Variants in KCNMA1 observed in about 807,000 individuals in gnomAD.
The protein encoded by KCNMA1 is potassium calcium-activated channel subfamily M alpha 1.
In KCNMA1, 29 loss-of-function variants were observed where a neutral mutation model predicts 140.0. The ratio of observed to expected loss-of-function variants is 0.21; its 90% CI spans 0.15 to 0.28. The LOEUF (loss-of-function observed/expected upper bound fraction) is 0.28, where lower values mean the gene tolerates loss of function less well. Among genes scored for constraint, KCNMA1 ranks in the 10% least tolerant of loss-of-function variants. The pLI is 1.00. For missense variants in KCNMA1, 880 were observed against 1,602.2 expected (o/e 0.55, Z 7.70); for synonymous variants, 612 against 611.9 (o/e 1.00, Z 0.00).
In KCNMA1 at chr10:77,586,233, T is replaced by C. The variant is rs1161143420; in HGVS notation, c.378+51032A>G. On this transcript the variant is annotated intron_variant, in intron 1 of 27. Transcript: ENST00000286628. The stretch of plus-strand genomic sequence containing the variant: ...TTTTGTCTTCAGTTGTAACACAGGA[T>C]CACATGGTCACTCTACTGAGCTATT... The C allele has an allele frequency of 2.0e-5, 3 of 152,182 alleles. No individual in the cohort carries two copies. In the East Asian group the frequency reaches 5.8e-4, roughly 29 times the overall value. The allele number at this position is 152,182 out of a possible 1,614,324, so 9.4% of individuals were successfully genotyped here. A position where few individuals can be genotyped will look rare whatever the true frequency, so the allele number is the denominator to read the frequency against.
intron 15 of KCNMA1, among the ~76,000 whole-genome samples, chr10:77,034,374 AAATTT>A (rs1292663977): frequency 1.3e-5 from 2 of 152,168 alleles, no homozygotes; most frequent in Non-Finnish European, 2.9e-5. Flanking sequence ...CTCCATGTTC[AAATTT>A]GGATGTCTTT....
chr10:77,571,386 G>A (rs748663871), intron 1 of KCNMA1, among the ~76,000 whole-genome samples: 5 of 152,194 alleles, frequency 3.3e-5, no homozygotes, highest in Non-Finnish European at 7.4e-5. Context: ...GAACTCTGGT[G>A]TGACCAACCC....
chr10:77,355,102 A>G lies in KCNMA1; in HGVS notation c.540+48760T>C, dbSNP rs780423125. ...CTCGTGGTAGCGAATAAATCTCATG[A>G]GATCTGATGGTTTTATCAGGGGTTT... is the stretch of plus-strand genomic sequence containing the variant. On this transcript the variant is annotated intron_variant, in intron 2 of 27. Transcript: ENST00000286628. 7.7e-4 allele frequency: 118 copies of G among 153,598 alleles called. 1 individual carries two copies. Among genetic ancestry groups the G allele is most frequent in the Non-Finnish European group, 4.9e-4 (34 of 69,052 alleles). 9.5% of individuals were successfully genotyped at this position (153,598 alleles called of 1,614,324 possible).
chr10:76,969,885 G>T, intron 20 of KCNMA1, 89 bp downstream of exon 20: 2 of 1,018,676 alleles, frequency 2.0e-6, no homozygotes, highest in Non-Finnish European at 3.1e-6. Flanking sequence ...GGGGAGGGGA[G>T]ACTCTGGGCC....
At chr10:77,377,387 G>T (rs2154424196) in intron 2 of KCNMA1, among the ~76,000 whole-genome samples, 1 of 152,306 alleles carries the variant, frequency 6.6e-6, no homozygotes, top group South Asian at 2.1e-4. Flanking sequence ...GGGCCAAAGA[G>T]AAAGAGCTGC....
chr10:77,006,996 T>TTGC (rs1458809004), intron 18 of KCNMA1, among the ~76,000 whole-genome samples: 3 of 152,208 alleles, frequency 2.0e-5, no homozygotes, highest in African/African-American at 7.2e-5. Context: ...CTTGCCTCTT[T>TTGC]TGCTGCAAAG....
At chr10:77,161,173 C>T (rs912956601) in intron 5 of KCNMA1, among the ~76,000 whole-genome samples, 2 of 152,188 alleles carry the variant, frequency 1.3e-5, no homozygotes, top group African/African-American at 4.8e-5. Flanking sequence ...GTTTTACTGA[C>T]ACTTGTACTC....
intron 23 of KCNMA1, among the ~76,000 whole-genome samples, chr10:76,930,570 AT>A (rs961967462): frequency 5.3e-5 from 8 of 152,182 alleles, no homozygotes; most frequent in African/African-American, 1.9e-4. Flanking sequence ...TGAAGTTTCT[AT>A]AAAAAATTAA....
intron 2 of KCNMA1, among the ~76,000 whole-genome samples, chr10:77,292,932 G>C (rs1228132550): frequency 6.6e-5 from 10 of 152,192 alleles, no homozygotes; most frequent in African/African-American, 2.4e-4. Context: ...TTAGCATCGA[G>C]GTGGCAGGAT....
intron 3 of KCNMA1, among the ~76,000 whole-genome samples, chr10:77,227,061 C>T (rs2051714690): frequency 6.6e-6 from 1 of 152,102 alleles, no homozygotes; most frequent in Admixed American, 6.6e-5. Context: ...CTTTTCTTTG[C>T]CAGACCATAG....
intron 3 of KCNMA1, among the ~76,000 whole-genome samples, chr10:77,199,788 TG>T (rs1444737895): frequency 6.6e-6 from 1 of 152,112 alleles, no homozygotes; most frequent in Non-Finnish European, 1.5e-5. Flanking sequence ...CAGTGCATTC[TG>T]GGAGTGGAAG....
intron 2 of KCNMA1, among the ~76,000 whole-genome samples, chr10:77,302,333 C>T (rs955277466): frequency 1.3e-5 from 2 of 152,142 alleles, no homozygotes; most frequent in African/African-American, 4.8e-5. Context: ...CCCCATACTG[C>T]TCCTTAAGCA....
At chr10:77,024,911 A>G (rs913393797) in intron 16 of KCNMA1, among the ~76,000 whole-genome samples, 6 of 152,074 alleles carry the variant, frequency 3.9e-5, no homozygotes, top group African/African-American at 1.4e-4. Flanking sequence ...ATTCTGCTCT[A>G]TAGACAAGAA....
intron 1 of KCNMA1, among the ~76,000 whole-genome samples, chr10:77,564,512 G>A (rs1256090082): frequency 1.3e-5 from 2 of 152,184 alleles, no homozygotes; most frequent in Non-Finnish European, 2.9e-5. Flanking sequence ...GAACCTGGGA[G>A]GCAAAGATTG....
Position 77,585,154 on chromosome 10 carries a change from C to T in KCNMA1, c.378+52111G>A, listed in dbSNP as rs139955699. 1.0e-3 allele frequency among the ~76,000 whole-genome samples: 154 copies of T among 152,290 alleles called. 1 individual carries two copies. Among genetic ancestry groups the T allele is most frequent in the South Asian group, 7.9e-3 (38 of 4,828 alleles). Reference sequence around the variant, plus strand: ...CTGGATGACAGGAGTACCAAGAGGACGAAAACACATGCCTGCTCTCAGGCC... The same window carrying T: ...CTGGATGACAGGAGTACCAAGAGGATGAAAACACATGCCTGCTCTCAGGCC... On this transcript the variant is annotated intron_variant, in intron 1 of 27. Transcript: ENST00000286628.
At chr10:76,971,864 C>T (rs1273434050) in intron 19 of KCNMA1, among the ~76,000 whole-genome samples, 2 of 152,178 alleles carry the variant, frequency 1.3e-5, no homozygotes, top group Non-Finnish European at 2.9e-5. Flanking sequence ...ATGCATCTCT[C>T]GGCAAGCAAA....
intron 1 of KCNMA1, among the ~76,000 whole-genome samples, chr10:77,515,226 G>A (rs2049977449): frequency 6.6e-6 from 1 of 152,162 alleles, no homozygotes; most frequent in Admixed American, 6.5e-5. Context: ...GGGGAAAGGA[G>A]AGCGTGCAAT....
intron 1 of KCNMA1, among the ~76,000 whole-genome samples, chr10:77,584,182 G>A (rs551509374): frequency 6.6e-6 from 1 of 152,132 alleles, no homozygotes; most frequent in African/African-American, 2.4e-5. Flanking sequence ...AACACCGTCA[G>A]TCCACAGTGC....
chr10:76,941,057 A>G (rs12769692), intron 23 of KCNMA1, among the ~76,000 whole-genome samples: 1 of 89,212 alleles, frequency 1.1e-5, no homozygotes, highest in Non-Finnish European at 2.3e-5. Context: ...AAGAAAGAGA[A>G]AGAAAGAAAG....
Sources: allele counts gnomAD v4.1 joint callset (sites outside exome capture counted in the v4.1 genomes callset), GRCh38; gene constraint gnomAD v4.1.1; transcripts MANE v1.5; gene names NCBI Gene and HGNC (gene_info 2026-07-23, HGNC 2026-07-21).